PLPPR1: variants seen among roughly 807,000 people sequenced by gnomAD.
PLPPR1 encodes phospholipid phosphatase related 1.
In PLPPR1, 10 loss-of-function variants were observed where a neutral mutation model predicts 33.1. That is an observed-to-expected ratio of 0.30 (90% confidence interval 0.19 to 0.51). The LOEUF (loss-of-function observed/expected upper bound fraction) is 0.51, where lower values mean the gene tolerates loss of function less well. Ranked by LOEUF, PLPPR1 falls within the 20% of genes least tolerant of loss-of-function variation. The probability of loss-of-function intolerance (pLI) is 0.97; values close to 1 mark genes in which losing one functional copy is unlikely to be tolerated. For missense variants in PLPPR1, 304 were observed against 408.1 expected, an observed-to-expected ratio of 0.74 and a Z score of 2.20; for synonymous variants, 151 against 151.0, an observed-to-expected ratio of 1.00 and a Z score of 0.00.
chr9:101,055,650 C>T (rs1052131714), intron 1 of PLPPR1, among the ~76,000 whole-genome samples: 4 of 152,196 alleles, frequency 2.6e-5, no homozygotes, highest in African/African-American at 9.6e-5. Flanking sequence ...CAGATATTTT[C>T]ATCACGCACA....
At chr9:101,221,959 G>A (rs1677999785) in intron 2 of PLPPR1, among the ~76,000 whole-genome samples, 1 of 152,148 alleles carries the variant, frequency 6.6e-6, no homozygotes, top group Admixed American at 6.5e-5. Context: ...TATAATGAGA[G>A]GATCCTTAGC....
intron 1 of PLPPR1, among the ~76,000 whole-genome samples, chr9:101,136,368 A>G (rs965137386): frequency 6.6e-5 from 10 of 152,158 alleles, no homozygotes; most frequent in African/African-American, 2.4e-4. Context: ...TAAATCGGAG[A>G]TCTCTTTCAC....
At chr9:101,242,099 A>G (rs1293926321) in intron 2 of PLPPR1, among the ~76,000 whole-genome samples, 1 of 151,982 alleles carries the variant, frequency 6.6e-6, no homozygotes, top group Non-Finnish European at 1.5e-5. Flanking sequence ...GTTAGCTAGG[A>G]GTTTGCTGGC....
At chr9:101,245,241 T>C (rs777562208) in intron 2 of PLPPR1, among the ~76,000 whole-genome samples, 1 of 151,812 alleles carries the variant, frequency 6.6e-6, no homozygotes, top group Non-Finnish European at 1.5e-5. Flanking sequence ...TTTTACCTTA[T>C]AGCAAAAAAA....
chr9:101,301,644 A>G (rs1053646232), intron 4 of PLPPR1, among the ~76,000 whole-genome samples: 1 of 152,196 alleles, frequency 6.6e-6, no homozygotes, highest in African/African-American at 2.4e-5. Context: ...AAAATTTACT[A>G]TCCAAGGAAC....
At chr9:101,297,126 G>C (rs1183113234) in intron 4 of PLPPR1, among the ~76,000 whole-genome samples, 3 of 152,026 alleles carry the variant, frequency 2.0e-5, no homozygotes, top group African/African-American at 7.2e-5. Context: ...TGGGCAAATT[G>C]GGCAAATAAT....
chr9:101,117,311 G>A (rs894448625), intron 1 of PLPPR1, among the ~76,000 whole-genome samples: 3 of 152,064 alleles, frequency 2.0e-5, no homozygotes, highest in Non-Finnish European at 4.4e-5. Context: ...AAAACCCACC[G>A]AAACCAAGAT....
chr9:101,202,947 G>A (rs1237696832), intron 2 of PLPPR1, among the ~76,000 whole-genome samples: 1 of 152,174 alleles, frequency 6.6e-6, no homozygotes, highest in African/African-American at 2.4e-5. Context: ...AGGGACTAGG[G>A]CAGGGCACTA....
In PLPPR1 at chr9:101,317,434, C is replaced by A. The variant is rs200604503; in HGVS notation, c.883C>A (p.Arg295Ser). 1 of 1,613,962 alleles carries A rather than the reference C, an allele frequency of 6.2e-7. No homozygotes were observed. Among genetic ancestry groups the A allele is most frequent in the Non-Finnish European group, 8.5e-7 (1 of 1,179,862 alleles). The change falls in exon 7 of 8, where the codon CGT becomes AGT. Residue 295 changes from arginine (R) to serine (S), a missense_variant. Coordinates refer to ENST00000374874, the MANE Select transcript of PLPPR1 (RefSeq NM_207299.2). ...SPSKPKPEDP[R>S]GVPLMAFPRI... ...TTCCAAACCCAAGCCTGAGGATCCC[C>A]GTGGAGTACCCCTAATGGCTTTCCC...
At position 101,202,086 on chromosome 9, in the gene PLPPR1, C is replaced by T. The variant is rs561424113; in HGVS notation, c.63+16529C>T. The stretch of plus-strand genomic sequence containing the variant: ...CCAACCAGTTTGGAGGTTTATGTGA[C>T]CACTCTTGCCACTAAAAAACAAGAA... On this transcript the variant is annotated intron_variant, in intron 2 of 7. Coordinates refer to ENST00000374874, the MANE Select transcript of PLPPR1 (RefSeq NM_207299.2). Among the ~76,000 whole-genome samples, 476 of 152,262 alleles carry T rather than the reference C, an allele frequency of 3.1e-3. 2 individuals carry two copies. Among genetic ancestry groups the T allele is most frequent in the Non-Finnish European group, 5.2e-3 (355 of 68,002 alleles).
rs1325382686 is a variant in PLPPR1 at position 101,187,369 on chromosome 9, G to A, written c.63+1812G>A. Reference sequence around the variant, plus strand: ...AATGTGTGAATGAAGAGCTTGGCCGGTGGAGCAGCAACAAAGGAGATAAAT... The same window carrying A: ...AATGTGTGAATGAAGAGCTTGGCCGATGGAGCAGCAACAAAGGAGATAAAT... On this transcript the variant is annotated intron_variant, in intron 2 of 7. Transcript: ENST00000374874. The A allele has an allele frequency of 3.4e-5, 5 of 147,144 alleles. No individual in the cohort carries two copies. In the East Asian group the frequency reaches 1.3e-3, roughly 39 times the overall value. 9.1% of individuals were successfully genotyped at this position (147,144 alleles called of 1,614,324 possible).
In PLPPR1 at chr9:101,270,162, C is replaced by T. The variant is rs115036345; in HGVS notation, c.252+94C>T. On this transcript the variant is annotated intron_variant, in intron 3 of 7. Coordinates refer to ENST00000374874, the MANE Select transcript of PLPPR1 (RefSeq NM_207299.2). ...CCTCTTTCTTCTCTTCCTGAGCATT[C>T]ACCAGCAGTTTTATCAGTGGCATCC... is the stretch of plus-strand genomic sequence containing the variant. 1,830 of 1,349,026 alleles carry T rather than the reference C, an allele frequency of 1.4e-3. 23 individuals are homozygous for T. In the African/African-American group the frequency reaches 0.023, roughly 17 times the overall value. The allele number at this position is 1,349,026 out of a possible 1,614,324, so 83.6% of individuals were successfully genotyped here.
intron 1 of PLPPR1, among the ~76,000 whole-genome samples, chr9:101,101,425 T>A (rs985575988): frequency 5.9e-5 from 9 of 152,042 alleles, no homozygotes; most frequent in Admixed American, 6.6e-5. Flanking sequence ...TGTTACTGTA[T>A]GTCACCTTTT....
chr9:101,155,220 C>T (rs550976452), intron 1 of PLPPR1, among the ~76,000 whole-genome samples: 9 of 152,204 alleles, frequency 5.9e-5, no homozygotes, highest in Admixed American at 4.6e-4. Context: ...TTTATTGATG[C>T]CTTCTCTGGG....
At chr9:101,212,450 T>C (rs1199547650) in intron 2 of PLPPR1, among the ~76,000 whole-genome samples, 1 of 152,158 alleles carries the variant, frequency 6.6e-6, no homozygotes, top group Admixed American at 6.5e-5. Context: ...AATCTGATAG[T>C]AGTAAATCAA....
intron 1 of PLPPR1, among the ~76,000 whole-genome samples, chr9:101,148,887 C>G (rs534511465): frequency 9.9e-5 from 15 of 152,200 alleles, no homozygotes; most frequent in Middle Eastern, 3.4e-3. Context: ...AAGTCATTCT[C>G]CCTTCATCCC....
chr9:101,209,356 G>A (rs1455021077), intron 2 of PLPPR1, among the ~76,000 whole-genome samples: 2 of 152,218 alleles, frequency 1.3e-5, no homozygotes, highest in African/African-American at 4.8e-5. Context: ...TTCCCGTCTG[G>A]CAGATATGTG....
At chr9:101,063,326 T>G (rs1325203052) in intron 1 of PLPPR1, among the ~76,000 whole-genome samples, 1 of 152,046 alleles carries the variant, frequency 6.6e-6, no homozygotes, top group Non-Finnish European at 1.5e-5. Context: ...TATGGCATCC[T>G]CACATGTAGT....
chr9:101,117,899 A>T (rs1588035414), intron 1 of PLPPR1, among the ~76,000 whole-genome samples: 1 of 151,862 alleles, frequency 6.6e-6, no homozygotes. Context: ...GTTTTGTCTG[A>T]CTCCCTCTTT....
Sources: gnomAD v4.1 joint callset for allele counts (sites outside exome capture counted in the v4.1 genomes callset) on GRCh38, gnomAD v4.1.1 for gene constraint, MANE v1.5 for transcripts, NCBI Gene and HGNC (gene_info 2026-07-23, HGNC 2026-07-21) for gene names.